PHF20: variants seen among roughly 807,000 people sequenced by gnomAD.
The protein encoded by PHF20 is PHD finger protein 20, also known as glioma-expressed antigen 2.
Under a neutral mutation model 113.5 loss-of-function variants are expected in PHF20, and 23 were observed. The observed-to-expected ratio is 0.20, with a 90% CI of 0.15 to 0.29. The LOEUF (loss-of-function observed/expected upper bound fraction) is 0.29, where lower values mean the gene tolerates loss of function less well. Ranked by LOEUF, PHF20 falls within the 10% of genes least tolerant of loss-of-function variation. The probability of loss-of-function intolerance (pLI) is 1.00; values close to 1 mark genes in which losing one functional copy is unlikely to be tolerated. For missense variants in PHF20, 943 were observed against 1,219.6 expected (o/e 0.77, Z 3.38); for synonymous variants, 434 against 457.3 (o/e 0.95, Z 0.65).
At chr20:35,936,542 T>A (rs2055868529) in intron 15 of PHF20, among the ~76,000 whole-genome samples, 1 of 152,166 alleles carries the variant, frequency 6.6e-6, no homozygotes, top group East Asian at 1.9e-4. Flanking sequence ...CTCACAGGAG[T>A]CTGGCCCTAA....
intron 2 of PHF20, among the ~76,000 whole-genome samples, chr20:35,818,968 C>T (rs772979315): frequency 6.6e-6 from 1 of 151,434 alleles, no homozygotes; most frequent in Non-Finnish European, 1.5e-5. Flanking sequence ...TCTTGCTCTG[C>T]TGCCCAGGCT....
intron 2 of PHF20, among the ~76,000 whole-genome samples, chr20:35,811,025 G>T (rs1016446065): frequency 6.6e-6 from 1 of 151,976 alleles, no homozygotes; most frequent in South Asian, 2.1e-4. Context: ...AATGAAATGT[G>T]TGGGAATTAG....
intron 2 of PHF20, among the ~76,000 whole-genome samples, chr20:35,821,132 A>G (rs1242239603): frequency 2.0e-5 from 3 of 152,146 alleles, no homozygotes; most frequent in Non-Finnish European, 2.9e-5. Context: ...CAGGGAATCA[A>G]TGTTATCTGA....
At chr20:35,803,326 T>TG (rs2041819300) in intron 2 of PHF20, among the ~76,000 whole-genome samples, 1 of 150,488 alleles carries the variant, frequency 6.6e-6, no homozygotes, top group Admixed American at 6.6e-5. Flanking sequence ...GTTTTTGGGC[T>TG]ATTTTTTTTT....
At chr20:35,869,604 A>G in intron 7 of PHF20, 53 bp downstream of exon 7, 1 of 923,852 alleles carries the variant, frequency 1.1e-6, no homozygotes, top group Non-Finnish European at 1.8e-6. Context: ...GTTTGGGTCA[A>G]CTTCCTCTAT....
chr20:35,780,155 ACAAAT>A (rs1461769285), intron 1 of PHF20, among the ~76,000 whole-genome samples: 1 of 151,630 alleles, frequency 6.6e-6, no homozygotes, highest in Non-Finnish European at 1.5e-5. Flanking sequence ...CATTTTAACT[ACAAAT>A]CAAACAGGTG....
chr20:35,850,296 GTTTT>G (rs554100863), intron 4 of PHF20, among the ~76,000 whole-genome samples: 5 of 62,358 alleles, frequency 8.0e-5, no homozygotes, highest in Non-Finnish European at 1.3e-4. Flanking sequence ...TTCCCCCTCC[GTTTT>G]TTTTTTTTTT....
At chr20:35,827,784 GAAA>G (rs568505287) in intron 2 of PHF20, among the ~76,000 whole-genome samples, 1 of 70,808 alleles carries the variant, frequency 1.4e-5, no homozygotes. Context: ...CTCCATCTCA[GAAA>G]AAAAAAAAAA....
intron 15 of PHF20, among the ~76,000 whole-genome samples, chr20:35,933,976 C>T (rs2147119160): frequency 6.6e-6 from 1 of 152,316 alleles, no homozygotes; most frequent in South Asian, 2.1e-4. Context: ...TTCGAACTGT[C>T]TCTCTATGTG....
chr20:35,795,328 T>A (rs1457042619), intron 1 of PHF20, among the ~76,000 whole-genome samples: 2 of 151,982 alleles, frequency 1.3e-5, no homozygotes, highest in Admixed American at 1.3e-4. Flanking sequence ...CTTCATCCCC[T>A]GGTTCAAGCA....
chr20:35,847,763 TG>T (rs2042648867), intron 4 of PHF20, among the ~76,000 whole-genome samples: 1 of 152,184 alleles, frequency 6.6e-6, no homozygotes, highest in Admixed American at 6.5e-5. Context: ...CCTGAATATT[TG>T]TGAATAGCTT....
intron 10 of PHF20, among the ~76,000 whole-genome samples, chr20:35,908,076 A>G (rs1163145785): frequency 6.6e-6 from 1 of 152,206 alleles, no homozygotes; most frequent in Non-Finnish European, 1.5e-5. Flanking sequence ...CAGGTGGTGG[A>G]GCCATGATTT....
chr20:35,889,043 G>T (rs1446626687), intron 9 of PHF20, among the ~76,000 whole-genome samples: 5 of 128,926 alleles, frequency 3.9e-5, no homozygotes, highest in African/African-American at 8.8e-5. Context: ...TTGAAATGGA[G>T]TCTCGCTGTG....
At chr20:35,826,842 G>C (rs1420151381) in intron 2 of PHF20, among the ~76,000 whole-genome samples, 2 of 152,120 alleles carry the variant, frequency 1.3e-5, no homozygotes, top group Non-Finnish European at 2.9e-5. Context: ...GTTGTTGCTG[G>C]TAAGAAATGA....
intron 2 of PHF20, among the ~76,000 whole-genome samples, chr20:35,834,002 G>A (rs1454462037): frequency 6.6e-6 from 1 of 151,962 alleles, no homozygotes; most frequent in Non-Finnish European, 1.5e-5. Flanking sequence ...AGGTTGCAGT[G>A]AGCCGAGATC....
At chr20:35,866,616 T>C (rs549240095) in intron 6 of PHF20, among the ~76,000 whole-genome samples, 34 of 152,202 alleles carry the variant, frequency 2.2e-4, no homozygotes, top group Non-Finnish European at 4.0e-4. Context: ...AAATCTGACA[T>C]GTCCTTAGGC....
At chr20:35,929,805 G>C (rs2055716169) in intron 14 of PHF20, among the ~76,000 whole-genome samples, 1 of 152,212 alleles carries the variant, frequency 6.6e-6, no homozygotes, top group South Asian at 2.1e-4. Context: ...TACCTTTATA[G>C]ACTGACTCTG....
intron 1 of PHF20, among the ~76,000 whole-genome samples, chr20:35,785,757 C>T (rs917630355): frequency 6.6e-6 from 1 of 151,502 alleles, no homozygotes; most frequent in Non-Finnish European, 1.5e-5. Context: ...GGTGATATTT[C>T]AATTAAGAAA....
intron 9 of PHF20, among the ~76,000 whole-genome samples, chr20:35,894,155 G>A (rs1343401968): frequency 2.0e-5 from 3 of 152,308 alleles, no homozygotes; most frequent in Admixed American, 6.5e-5. Context: ...GAAATGAAGT[G>A]CTTTCAGGGT....
Sources: gnomAD v4.1 joint callset for allele counts (sites outside exome capture counted in the v4.1 genomes callset) on GRCh38, gnomAD v4.1.1 for gene constraint, MANE v1.5 for transcripts, NCBI Gene and HGNC (gene_info 2026-07-23, HGNC 2026-07-21) for gene names.